The following WASHC4 variants were observed in gnomAD, a reference collection of about 807,000 sequenced individuals.
The protein encoded by WASHC4 is WASH complex subunit 4, also known as WASH complex subunit 7.
WASHC4 carries 86 observed loss-of-function variants against 166.6 expected under a neutral mutation model. That is an observed-to-expected ratio of 0.52 (90% CI 0.43 to 0.62). WASHC4 has a LOEUF of 0.62. Among genes scored for constraint, WASHC4 ranks in the 20% least tolerant of loss-of-function variants. The pLI, the probability that WASHC4 is intolerant of heterozygous loss-of-function variation, is 0.00. For synonymous variants in WASHC4, 446 were observed against 451.6 expected, an observed-to-expected ratio of 0.99 and a Z score of 0.16; for missense variants, 1,262 against 1,382.4, an observed-to-expected ratio of 0.91 and a Z score of 1.38.
In WASHC4 at chr12:105,122,258, A is replaced by G; in HGVS notation, c.786+20A>G. The stretch of plus-strand genomic sequence containing the variant: ...TTCCAGGTAAGTAGGTCTGTATCAG[A>G]CTGTAACAGTGGGGCTCATATTAGA... On this transcript the variant is annotated intron_variant, in intron 10 of 32. Transcript: ENST00000332180. 1.2e-6 allele frequency: 2 copies of G among 1,610,040 alleles called. No individual in the cohort carries two copies. The highest frequency in any genetic ancestry group is 1.7e-6 in the Non-Finnish European group (2 of 1,178,462).
At chr12:105,114,947 G>T (rs548413540) in intron 4 of WASHC4, among the ~76,000 whole-genome samples, 1 of 152,052 alleles carries the variant, frequency 6.6e-6, no homozygotes, top group East Asian at 1.9e-4. Context: ...GGGACAGTGA[G>T]GGTGGTCAGA....
In WASHC4 at chr12:105,125,394, A is replaced by G. The variant is rs369555834; in HGVS notation, c.787-610A>G. 2.1e-4 allele frequency among the ~76,000 whole-genome samples: 30 copies of G among 141,212 alleles called. 1 individual carries two copies. The highest frequency in any genetic ancestry group is 1.8e-3 in the Admixed American group (25 of 13,780). The allele number at this position is 141,212 out of a possible 152,430, so 92.6% of individuals were successfully genotyped here. A position where few individuals can be genotyped will look rare whatever the true frequency, so the allele number is the denominator to read the frequency against. ...AATATATGTAGATACTAATCTATTTATGTGTTAATTGACTTATGTTATCCA... is the reference window on the plus strand; with the variant it reads ...AATATATGTAGATACTAATCTATTTGTGTGTTAATTGACTTATGTTATCCA... On this transcript the variant is annotated intron_variant, in intron 10 of 32. Transcript: ENST00000332180.
chr12:105,149,770 A>G, intron 25 of WASHC4, 21 bp downstream of exon 25: 1 of 1,584,150 alleles, frequency 6.3e-7, no homozygotes, highest in Non-Finnish European at 8.6e-7. Context: ...TATTCTTTTT[A>G]AGGTATTTGA....
intron 6 of WASHC4, among the ~76,000 whole-genome samples, chr12:105,117,187 C>G (rs1199776124): frequency 6.6e-6 from 1 of 152,148 alleles, no homozygotes; most frequent in African/African-American, 2.4e-5. Context: ...TAGCAATTTA[C>G]TGTACTGATG....
chr12:105,147,926 A>G (rs1215673701), intron 24 of WASHC4: 1 of 984,800 alleles, frequency 1.0e-6, no homozygotes, highest in African/African-American at 1.8e-5. Context: ...AAACAAACAA[A>G]AACGAAATGG....
intron 24 of WASHC4, chr12:105,149,040 T>C: frequency 1.0e-6 from 1 of 978,610 alleles, no homozygotes; most frequent in Non-Finnish European, 1.2e-6. Flanking sequence ...ACAATACTTG[T>C]TTAAAATGTT....
chr12:105,128,995 G>T (rs1163581249), intron 13 of WASHC4, among the ~76,000 whole-genome samples: 3 of 151,042 alleles, frequency 2.0e-5, no homozygotes, highest in Non-Finnish European at 4.4e-5. Flanking sequence ...GCCCAGGCTG[G>T]AGTGCAGTGG....
intron 14 of WASHC4, 49 bp downstream of exon 14, chr12:105,133,945 C>G (rs1882087672): frequency 6.3e-7 from 1 of 1,575,504 alleles, no homozygotes; most frequent in Admixed American, 1.7e-5. Flanking sequence ...ATCCAACTTA[C>G]AGAAGTTAAA....
At chr12:105,143,475 ATATTT>A (rs1286270227) in intron 20 of WASHC4, among the ~76,000 whole-genome samples, 2 of 152,046 alleles carry the variant, frequency 1.3e-5, no homozygotes, top group Non-Finnish European at 2.9e-5. Flanking sequence ...TTGTAAATAG[ATATTT>A]TAATTTAAAG....
rs1446688440 is a variant in WASHC4, at chr12:105,122,168, A to G, written c.716A>G (p.Glu239Gly). The G allele has an allele frequency of 1.2e-6, 2 of 1,611,344 alleles. No individual in the cohort carries two copies. The highest frequency in any genetic ancestry group is 2.2e-5 in the South Asian group (2 of 91,024). Residue 239 changes from glutamate to glycine, a missense_variant, in exon 10 of 33, where the codon GAA becomes GGA. Transcript: ENST00000332180. ...CCTTCAAAATTTGGAATTCAGGAAGAAAAATTAAAGCCATTTGAAAAGTTC... is the reference window on the plus strand; with the variant it reads ...CCTTCAAAATTTGGAATTCAGGAAGGAAAATTAAAGCCATTTGAAAAGTTC... Reference protein sequence around the residue: ...HNPSKFGIQEEKLKPFEKFLL... With the variant: ...HNPSKFGIQEGKLKPFEKFLL...
Position 105,151,978 on chromosome 12 carries a change from G to C in WASHC4, c.2650-365G>C, listed in dbSNP as rs76644815. Among the ~76,000 whole-genome samples the C allele has an allele frequency of 2.6e-3, 394 of 152,278 alleles. 1 individual carries two copies. Among genetic ancestry groups the C allele is most frequent in the African/African-American group, 8.9e-3 (371 of 41,550 alleles). On this transcript the variant is annotated intron_variant, in intron 25 of 32. Transcript: ENST00000332180. ...GCTGACGTGTGTTCATTGAGAAGGA[G>C]TATGTTTCTAAGTCCCTAATACCTA...
At chr12:105,156,619 G>T in intron 26 of WASHC4, 107 bp from the exon 27 acceptor site, 1 of 853,244 alleles carries the variant, frequency 1.2e-6, no homozygotes, top group Non-Finnish European at 1.9e-6. Context: ...AAATATTTTG[G>T]TTCTTAGGAG....
At position 105,144,869 on chromosome 12, in the gene WASHC4, A is replaced by G; in HGVS notation, c.2331A>G (p.Glu777=). ...CACATCTTCCCAGTCAGACTTTGGAACAGGTATAGTATAAAATGTTTTTTT... is the reference window on the plus strand; with the variant it reads ...CACATCTTCCCAGTCAGACTTTGGAGCAGGTATAGTATAAAATGTTTTTTT... ...TEAHLPSQTL[E]QGLDVLEIMR... Residue 777 remains glutamate (E), a synonymous_variant, in exon 22 of 33, where the codon GAA becomes GAG. Coordinates refer to ENST00000332180, the MANE Select transcript of WASHC4 (RefSeq NM_015275.3). The G allele has an allele frequency of 6.2e-7, 1 of 1,611,644 alleles. No individual in the cohort carries two copies. The highest frequency in any genetic ancestry group is 8.5e-7 in the Non-Finnish European group (1 of 1,179,086).
In WASHC4 at chr12:105,144,320, A is replaced by G. The variant is rs186169814; in HGVS notation, c.2044A>G (p.Lys682Glu). ...GGACAAATTATGCAAAGAAATAGAG[A>G]AAGATCTGCGACTTTCTGTGCATAC... The part of the protein sequence containing the change: ...LLDKLCKEIE[K>E]DLRLSVHTHL... Residue 682 changes from lysine (K) to glutamate (E), a missense_variant, in exon 21 of 33, where the codon AAA (lysine) becomes GAA (glutamate). Coordinates refer to ENST00000332180, the MANE Select transcript of WASHC4 (RefSeq NM_015275.3). 44 of 1,613,096 alleles carry G rather than the reference A, an allele frequency of 2.7e-5. No homozygotes were observed. The East Asian group carries it at 9.8e-4, about 36-fold the overall frequency.
chr12:105,110,914 G>A (rs1879626147), intron 1 of WASHC4, among the ~76,000 whole-genome samples: 1 of 152,026 alleles, frequency 6.6e-6, no homozygotes, highest in Non-Finnish European at 1.5e-5. Context: ...CTTTATATAT[G>A]GTAACATCTA....
intron 9 of WASHC4, 67 bp downstream of exon 9, chr12:105,121,271 A>G (rs1880715770): frequency 2.2e-6 from 2 of 915,480 alleles, no homozygotes; most frequent in South Asian, 1.4e-5. Context: ...AGTAAAAAGT[A>G]AACAGATATA....
chr12:105,110,655 G>T (rs1056229278), intron 1 of WASHC4, among the ~76,000 whole-genome samples: 6 of 152,074 alleles, frequency 3.9e-5, no homozygotes, highest in African/African-American at 1.4e-4. Context: ...AAATATTTAG[G>T]TGTATTATTA....
intron 13 of WASHC4, among the ~76,000 whole-genome samples, chr12:105,132,776 G>A (rs1297247432): frequency 7.4e-6 from 1 of 135,036 alleles, no homozygotes; most frequent in African/African-American, 2.9e-5. Flanking sequence ...AATGTGAGGG[G>A]TGAAAGAGGT....
chr12:105,164,604 T>G, intron 31 of WASHC4, 37 bp from the exon 32 acceptor site: 1 of 1,429,216 alleles, frequency 7.0e-7, no homozygotes, highest in Non-Finnish European at 9.8e-7. Flanking sequence ...ATAATAAGTA[T>G]TTTTGGTTTT....
Sources: allele counts gnomAD v4.1 joint callset (sites outside exome capture counted in the v4.1 genomes callset), GRCh38; gene constraint gnomAD v4.1.1; transcripts MANE v1.5; gene names NCBI Gene and HGNC (gene_info 2026-07-23, HGNC 2026-07-21).